Variants in TSPEAR observed in about 807,000 individuals in gnomAD.
The protein encoded by TSPEAR is thrombospondin type laminin G domain and EAR repeats.
A neutral mutation model predicts 71.6 loss-of-function variants in TSPEAR; 69 were observed. The ratio of observed to expected loss-of-function variants is 0.96; its 90% CI spans 0.79 to 1.18. The LOEUF is 1.18. TSPEAR is among the 50% of genes most tolerant of loss of function. The pLI is 0.00. For missense variants in TSPEAR, 971 were observed against 894.9 expected, an observed-to-expected ratio of 1.09 and a Z score of -1.09; for synonymous variants, 402 against 387.2, an observed-to-expected ratio of 1.04 and a Z score of -0.45.
intron 9 of TSPEAR, chr21:44,518,298 G>A (rs782573949): frequency 6.4e-6 from 3 of 469,770 alleles, no homozygotes; most frequent in South Asian, 3.1e-5. Flanking sequence ...ACCCTTAGCT[G>A]GAGAGGATGG....
chr21:44,668,646 C>A (rs1212101206), intron 1 of TSPEAR, among the ~76,000 whole-genome samples: 1 of 152,144 alleles, frequency 6.6e-6, no homozygotes, highest in Non-Finnish European at 1.5e-5. Context: ...AAACTTACTA[C>A]AAAGCTACAC....
rs782642252 is a variant in TSPEAR, at chr21:44,529,884, G to A, written c.704C>T (p.Ala235Val). 1 of 1,613,452 alleles carries A rather than the reference G, an allele frequency of 6.2e-7. No homozygotes were observed. Among genetic ancestry groups the A allele is most frequent in the Non-Finnish European group, 8.5e-7 (1 of 1,179,904 alleles). ...TGGGATGGACAGCACCGCCAGCGGGGCGTTCCTGCTGGGACACAGCCTTGG... is the reference window on the plus strand; with the variant it reads ...TGGGATGGACAGCACCGCCAGCGGGACGTTCCTGCTGGGACACAGCCTTGG... ...ATPRLCPSRNAPLAVLSIPRV... is the reference protein window; with the variant it reads ...ATPRLCPSRNVPLAVLSIPRV... The change falls in exon 5 of 12, where the codon GCC (alanine) becomes GTC (valine). Residue 235 changes from alanine (A) to valine (V), a missense_variant. By Grantham distance (64) the Ala-to-Val change is moderately conservative. Coordinates refer to ENST00000323084, the MANE Select transcript of TSPEAR (RefSeq NM_144991.3).
Position 44,711,552 on chromosome 21 carries a change from T to C in TSPEAR, c.-38A>G, listed in dbSNP as rs782067216. ...TGCCAAGCTCCATCCAGGGCTCCGC[T>C]CAGCCTGCAGGGAAGTGGCTGCTCC... On this transcript the variant is annotated 5_prime_UTR_variant, in exon 1 of 12. Coordinates refer to ENST00000323084, the MANE Select transcript of TSPEAR (RefSeq NM_144991.3). This position sits in a 1 kb window ranked among gnomAD's most constrained non-coding sequence, Gnocchi z 4.5. The C allele has an allele frequency of 1.6e-5, 25 of 1,589,276 alleles. No individual in the cohort carries two copies. The Middle Eastern group carries it at 6.6e-4, about 42-fold the overall frequency.
intron 1 of TSPEAR, among the ~76,000 whole-genome samples, chr21:44,678,860 G>A (rs1467633872): frequency 6.6e-6 from 1 of 152,094 alleles, no homozygotes; most frequent in Non-Finnish European, 1.5e-5. Flanking sequence ...TAAGCAAAAA[G>A]GCAATCCATG....
intron 1 of TSPEAR, among the ~76,000 whole-genome samples, chr21:44,658,883 T>G (rs1177001176): frequency 6.6e-6 from 1 of 151,964 alleles, no homozygotes; most frequent in Non-Finnish European, 1.5e-5. Context: ...AAAACAATCC[T>G]CTACCCAGAA....
chr21:44,676,380 C>A, intron 1 of TSPEAR: 1 of 1,121,708 alleles, frequency 8.9e-7, no homozygotes, highest in South Asian at 1.2e-5. Flanking sequence ...GGACAGCAGG[C>A]ATTTCTGCAG....
At chr21:44,618,313 C>T (rs1026079270) in intron 1 of TSPEAR, among the ~76,000 whole-genome samples, 2 of 152,234 alleles carry the variant, frequency 1.3e-5, no homozygotes, top group African/African-American at 2.4e-5. Context: ...TTGCCTTCCA[C>T]CATGACTGTA....
At chr21:44,601,173 T>C (rs388827) in intron 1 of TSPEAR, 136,618 of 1,488,710 alleles carry the variant, frequency 0.092, 16,473 homozygotes, top group African/African-American at 0.56. Context: ...GTGTGTCCAG[T>C]CCCTGCTGCC....
At chr21:44,655,922 C>CAA (rs1376592692) in intron 1 of TSPEAR, among the ~76,000 whole-genome samples, 2 of 152,200 alleles carry the variant, frequency 1.3e-5, no homozygotes, top group East Asian at 3.9e-4. Flanking sequence ...AGCCTTCAGA[C>CAA]AAGTCAGACA....
In TSPEAR at chr21:44,697,808, T is replaced by C. The variant is rs782465786; in HGVS notation, c.82+13625A>G. ...CGTGTCCCTCCTCTGCCGCCCTGTG[T>C]GCAGACCCGCCCGCCGCGTGCCCGT... On this transcript the variant is annotated intron_variant, in intron 1 of 11. Transcript: ENST00000323084. The C allele has an allele frequency of 1.9e-6, 3 of 1,613,628 alleles. No individual in the cohort carries two copies. The African/African-American group carries it at 4.0e-5, about 22-fold the overall frequency.
intron 10 of TSPEAR, 46 bp downstream of exon 10, chr21:44,509,153 C>T (rs782275290): frequency 5.7e-6 from 9 of 1,575,534 alleles, no homozygotes; most frequent in Non-Finnish European, 7.8e-6. Flanking sequence ...CATGGTGGGC[C>T]TCCCAGAGAT....
intron 1 of TSPEAR, among the ~76,000 whole-genome samples, chr21:44,588,701 T>TGC (rs139256853): frequency 0.025 from 3,535 of 143,006 alleles, 153 homozygotes; most frequent in African/African-American, 0.085. Context: ...TATATATTTA[T>TGC]ATATATAAAC....
intron 8 of TSPEAR, 75 bp downstream of exon 8, chr21:44,525,578 C>T: frequency 1.4e-6 from 2 of 1,444,526 alleles, no homozygotes; most frequent in Non-Finnish European, 9.6e-7. Context: ...ATAAGATACA[C>T]ATTCGCCCTG....
intron 1 of TSPEAR, among the ~76,000 whole-genome samples, chr21:44,682,332 C>A (rs1986645169): frequency 6.6e-6 from 1 of 152,190 alleles, no homozygotes; most frequent in Non-Finnish European, 1.5e-5. Flanking sequence ...TGTTTCGTGA[C>A]TAATTGCACC....
At chr21:44,600,124 C>A (rs1222111147) in intron 1 of TSPEAR, among the ~76,000 whole-genome samples, 1 of 152,134 alleles carries the variant, frequency 6.6e-6, no homozygotes, top group Admixed American at 6.5e-5. Context: ...TGGGGAGTCA[C>A]TTCTAGGAAT....
chr21:44,558,765 G>C, intron 2 of TSPEAR: 1 of 1,560,472 alleles, frequency 6.4e-7, no homozygotes, highest in Middle Eastern at 2.1e-4. Flanking sequence ...GAGTGAGTGT[G>C]GGAGTGAGTG....
At chr21:44,627,579 C>A (rs1353950343) in intron 1 of TSPEAR, 6 of 1,613,412 alleles carry the variant, frequency 3.7e-6, no homozygotes, top group Non-Finnish European at 4.2e-6. Context: ...CTTCCTCCTG[C>A]CAGCCGGCCT....
Position 44,612,122 on chromosome 21 carries a change from A to G in TSPEAR, c.83-44117T>C. The G allele has an allele frequency of 6.2e-7, 1 of 1,613,944 alleles. No homozygotes were observed. Among genetic ancestry groups the G allele is most frequent in the South Asian group, 1.1e-5 (1 of 91,060 alleles). On this transcript the variant is annotated intron_variant, in intron 1 of 11. Transcript: ENST00000323084. The surrounding 1 kb of genome is among the most constrained non-coding windows in gnomAD (Gnocchi z 4.1). ...CACCATGGCTGACGCCTGCTGCACC[A>G]GGACGTATGTGATTGCTGCATCCAC...
Position 44,601,077 on chromosome 21 carries a change from G to T in TSPEAR, c.83-33072C>A, listed in dbSNP as rs781844967. On this transcript the variant is annotated intron_variant, in intron 1 of 11. Transcript: ENST00000323084. ...CTTGCTGCACCTCCTCCCCCTGCCA[G>T]CAGGCCTGCTGTGTGCCCATCTGCT... The T allele has an allele frequency of 2.5e-6, 4 of 1,609,806 alleles. No homozygotes were observed. The African/African-American group carries it at 4.1e-5, about 17-fold the overall frequency.
Sources: allele counts gnomAD v4.1 joint callset (sites outside exome capture counted in the v4.1 genomes callset), GRCh38; gene constraint gnomAD v4.1.1; non-coding constraint Gnocchi (gnomAD v3.1); transcripts MANE v1.5; gene names NCBI Gene and HGNC (gene_info 2026-07-23, HGNC 2026-07-21).